CEP83: variants seen among roughly 807,000 people sequenced by gnomAD.
CEP83 encodes the protein centrosomal protein of 83 kDa.
CEP83 carries 70 observed loss-of-function variants against 101.9 expected under a neutral mutation model. That is an observed-to-expected ratio of 0.69 (90% confidence interval 0.57 to 0.84). The LOEUF is 0.84. Among genes scored for constraint, CEP83 ranks in the 40% least tolerant of loss-of-function variants. The pLI is 0.00. For missense variants in CEP83, 715 were observed against 787.2 expected (o/e 0.91, Z 1.10); for synonymous variants, 264 against 267.9 (o/e 0.99, Z 0.14).
At chr12:94,428,561 T>C (rs1246650192) in intron 2 of CEP83, among the ~76,000 whole-genome samples, 2 of 152,240 alleles carry the variant, frequency 1.3e-5, no homozygotes, top group Non-Finnish European at 2.9e-5. Context: ...TGAGTTTAAC[T>C]GATATTTTAC....
chr12:94,303,945 T>C (rs1199740590), downstream of CEP83: 5 of 1,607,668 alleles, frequency 3.1e-6, no homozygotes, highest in South Asian at 1.1e-5. Context: ...CTTTACGTCA[T>C]TTCAGAATCT....
At chr12:94,273,551 G>A in the CEP83 span, among the ~76,000 whole-genome samples, 1 of 151,982 alleles carries the variant, frequency 6.6e-6, no homozygotes, top group Non-Finnish European at 1.5e-5. Context: ...ACCCCCTGCC[G>A]ACCTAAAAGA....
At chr12:94,384,621 A>G (rs937840627) in intron 6 of CEP83, among the ~76,000 whole-genome samples, 93 of 152,110 alleles carry the variant, frequency 6.1e-4, no homozygotes, top group African/African-American at 2.2e-3. Flanking sequence ...AGATTGGGTA[A>G]TTTCTAATGT....
rs1482640629 is a variant in CEP83 at position 94,308,466 on chromosome 12, G to A, written c.*347C>T. 5.5e-6 allele frequency: 1 copy of A among 180,472 alleles called. No individual in the cohort carries two copies. Among genetic ancestry groups the A allele is most frequent in the Non-Finnish European group, 1.2e-5 (1 of 86,324 alleles). The allele number at this position is 180,472 out of a possible 1,614,324, so 11.2% of individuals were successfully genotyped here. A position where few individuals can be genotyped will look rare whatever the true frequency, so the allele number is the denominator to read the frequency against. On this transcript the variant is annotated 3_prime_UTR_variant, in exon 17 of 17. Coordinates refer to ENST00000397809, the MANE Select transcript of CEP83 (RefSeq NM_016122.3). ...TGTTATGGCCAAGCATCTCAAAGAT[G>A]AAGAGAGAATTAATGATAGTTATAT...
intron 6 of CEP83, among the ~76,000 whole-genome samples, chr12:94,388,393 T>G (rs910056197): frequency 6.6e-6 from 1 of 151,976 alleles, no homozygotes; most frequent in African/African-American, 2.4e-5. Flanking sequence ...TGACTACATA[T>G]GGACATAAAG....
intron 2 of CEP83, chr12:94,424,244 C>T: frequency 1.2e-6 from 2 of 1,614,012 alleles, no homozygotes; most frequent in Non-Finnish European, 1.7e-6. Context: ...GCCCATGTCT[C>T]CATTCCTTGG....
intron 11 of CEP83, among the ~76,000 whole-genome samples, chr12:94,358,982 G>GA: frequency 6.6e-6 from 1 of 152,376 alleles, no homozygotes. Context: ...GCCCAGGGCA[G>GA]AAAACTGCTT....
the CEP83 span, among the ~76,000 whole-genome samples, chr12:94,297,605 T>C: frequency 2.0e-5 from 3 of 152,226 alleles, no homozygotes; most frequent in Non-Finnish European, 4.4e-5. Flanking sequence ...ACTACAAAGA[T>C]AACAGCACTT....
the CEP83 span, among the ~76,000 whole-genome samples, chr12:94,289,985 C>T: frequency 6.6e-6 from 1 of 152,334 alleles, no homozygotes; most frequent in Non-Finnish European, 1.5e-5. Flanking sequence ...TAGCAGCGGG[C>T]TGTTGCCAGC....
intron 14 of CEP83, among the ~76,000 whole-genome samples, chr12:94,326,665 T>C (rs2058986120): frequency 6.6e-6 from 1 of 152,198 alleles, no homozygotes. Flanking sequence ...AAATCCACTA[T>C]GACTGGTGTC....
rs1969371271 is a variant in CEP83 at position 94,308,853 on chromosome 12, T to C, written c.2066A>G (p.Gln689Arg). The C allele has an allele frequency of 3.1e-6, 5 of 1,612,882 alleles. No homozygotes were observed. Among genetic ancestry groups the C allele is most frequent in the Non-Finnish European group, 3.4e-6 (4 of 1,179,122 alleles). ...RKRLEELETT[Q>R]RKQLEELGSS... ...TCCAAGTTCCTCTAGTTGTTTTCTT[T>C]GTGTTGTTTCCAGTTCTTCTAGTCT... The change falls in exon 17 of 17, where the codon CAA (glutamine) becomes CGA (arginine). Residue 689 changes from glutamine (Q) to arginine (R), a missense_variant. Gln to Arg is a conservative substitution (Grantham distance 43, BLOSUM62 1). Coordinates refer to ENST00000397809, the MANE Select transcript of CEP83 (RefSeq NM_016122.3).
At chr12:94,425,787 G>T (rs2065147271) in intron 2 of CEP83, among the ~76,000 whole-genome samples, 1 of 152,154 alleles carries the variant, frequency 6.6e-6, no homozygotes, top group South Asian at 2.1e-4. Context: ...TTATGCTGTA[G>T]CTGGCAAAAT....
At chr12:94,270,584 A>ACCCACC in the CEP83 span, among the ~76,000 whole-genome samples, 1 of 151,570 alleles carries the variant, frequency 6.6e-6, no homozygotes, top group Non-Finnish European at 1.5e-5. Context: ...AACACACAAC[A>ACCCACC]CCCACCCCCA....
chr12:94,334,018 C>A (rs2059351083), intron 12 of CEP83, among the ~76,000 whole-genome samples: 1 of 151,762 alleles, frequency 6.6e-6, no homozygotes, highest in Admixed American at 6.6e-5. Context: ...GGAAAAAAAA[C>A]TGATTTTAAA....
At chr12:94,381,781 T>C (rs1410595100) in intron 6 of CEP83, among the ~76,000 whole-genome samples, 1 of 152,140 alleles carries the variant, frequency 6.6e-6, no homozygotes, top group African/African-American at 2.4e-5. Context: ...TAAGATGTCT[T>C]TTCTTTCTTC....
At chr12:94,326,547 G>A (rs2058981509) in intron 14 of CEP83, among the ~76,000 whole-genome samples, 1 of 152,160 alleles carries the variant, frequency 6.6e-6, no homozygotes, top group African/African-American at 2.4e-5. Flanking sequence ...AGAGAACAAA[G>A]AAATGATTGC....
chr12:94,370,347 A>AG (rs1566008568), intron 8 of CEP83, among the ~76,000 whole-genome samples: 1 of 152,236 alleles, frequency 6.6e-6, no homozygotes, highest in African/African-American at 2.4e-5. Flanking sequence ...GAAAATCTGC[A>AG]GGGGAAAAAA....
At position 94,388,712 on chromosome 12, in the gene CEP83, G is replaced by C. The variant is rs563269600; in HGVS notation, c.550-9670C>G. 2.0e-5 allele frequency among the ~76,000 whole-genome samples: 3 copies of C among 152,292 alleles called. No homozygotes were observed. In the East Asian group the frequency reaches 5.8e-4, roughly 29 times the overall value. ...ACTGACTTTAATTTGTGCTTTTGAT[G>C]AAAATACATTTCACTTTTTACATTT... On this transcript the variant is annotated intron_variant, in intron 6 of 16. Transcript: ENST00000397809.
At chr12:94,440,737 C>T (rs2066340805) in intron 1 of CEP83, among the ~76,000 whole-genome samples, 1 of 152,008 alleles carries the variant, frequency 6.6e-6, no homozygotes, top group African/African-American at 2.4e-5. Flanking sequence ...CAATACTAAG[C>T]ACAAAGAACA....
Sources: gnomAD v4.1 joint callset for allele counts (sites outside exome capture counted in the v4.1 genomes callset) on GRCh38, gnomAD v4.1.1 for gene constraint, MANE v1.5 for transcripts, NCBI Gene and HGNC (gene_info 2026-07-23, HGNC 2026-07-21) for gene names.